The following RARB variants were observed in gnomAD, a reference collection of about 807,000 sequenced individuals.
The protein encoded by RARB is retinoic acid receptor beta, also known as HBV-activated protein.
In RARB, 17 loss-of-function variants were observed where a neutral mutation model predicts 51.9. The observed-to-expected ratio is 0.33, with a 90% CI of 0.22 to 0.49. RARB has a LOEUF of 0.49. Among genes scored for constraint, RARB ranks in the 20% least tolerant of loss-of-function variants. RARB has a pLI of 0.99. For synonymous variants in RARB, 215 were observed against 195.4 expected, an observed-to-expected ratio of 1.10 and a Z score of -0.84; for missense variants, 369 against 550.8, an observed-to-expected ratio of 0.67 and a Z score of 3.30.
chr3:25,472,813 C>T (rs184583126), intron 2 of RARB, among the ~76,000 whole-genome samples: 2 of 152,164 alleles, frequency 1.3e-5, no homozygotes, highest in Admixed American at 6.5e-5. Flanking sequence ...AGAGGTAGAC[C>T]TTTATCAGGG....
intron 2 of RARB, among the ~76,000 whole-genome samples, chr3:24,948,412 G>A (rs760168509): frequency 6.6e-6 from 1 of 152,224 alleles, no homozygotes; most frequent in Admixed American, 6.5e-5. Flanking sequence ...ACCACACAGA[G>A]TGTGGATAAA....
chr3:25,324,764 G>C (rs896908744), intron 5 of RARB: 24 of 152,266 alleles, frequency 1.6e-4, no homozygotes, highest in African/African-American at 5.8e-4. Context: ...CTCAGCAGTG[G>C]GAGAGCAATC....
At chr3:25,012,152 A>C (rs4298013) in intron 2 of RARB, among the ~76,000 whole-genome samples, 71,880 of 151,884 alleles carry the variant, frequency 0.47, 17,379 homozygotes, top group Admixed American at 0.57. Flanking sequence ...TCTGGATTAC[A>C]TTGACCCCAC....
intron 5 of RARB, among the ~76,000 whole-genome samples, chr3:25,405,665 TAAA>T (rs1418269839): frequency 1.3e-5 from 2 of 152,170 alleles, no homozygotes; most frequent in African/African-American, 4.8e-5. Flanking sequence ...TGAAATGAAA[TAAA>T]AAATTCTGTT....
At chr3:24,912,094 C>T (rs1163102284) in intron 2 of RARB, among the ~76,000 whole-genome samples, 1 of 152,152 alleles carries the variant, frequency 6.6e-6, no homozygotes. Context: ...TGCTTGAGTG[C>T]CTTTTCCATG....
At chr3:25,121,487 T>TG (rs1699782063) in intron 3 of RARB, among the ~76,000 whole-genome samples, 1 of 152,126 alleles carries the variant, frequency 6.6e-6, no homozygotes, top group Non-Finnish European at 1.5e-5. Context: ...ATAATGAATA[T>TG]GGTGCAAAAG....
chr3:24,837,554 G>A (rs1702360460), intron 1 of RARB, among the ~76,000 whole-genome samples: 1 of 152,188 alleles, frequency 6.6e-6, no homozygotes, highest in South Asian at 2.1e-4. Context: ...TATATTCAAT[G>A]TTACAGTTAA....
At position 25,421,565 on chromosome 3, in the gene RARB, C is replaced by A. The variant is rs137904002; in HGVS notation, c.179-39628C>A. Among the ~76,000 whole-genome samples, 41 of 151,988 alleles carry A rather than the reference C, an allele frequency of 2.7e-4. No homozygotes were observed. The East Asian group carries it at 7.8e-3, about 29-fold the overall frequency. On this transcript the variant is annotated intron_variant, in intron 5 of 11. Transcript: ENST00000383772. The stretch of plus-strand genomic sequence containing the variant: ...TAGCTGGGATTACAGGTGCGTGCCA[C>A]CATGCCCGGCTAATTTTTTTTGTAT...
intron 3 of RARB, among the ~76,000 whole-genome samples, chr3:25,062,057 A>G (rs1393240906): frequency 1.3e-5 from 2 of 151,826 alleles, no homozygotes; most frequent in Non-Finnish European, 3.0e-5. Context: ...AGAATATAGA[A>G]GTATAAAATA....
At chr3:25,135,546 A>T (rs1055750705) in intron 4 of RARB, among the ~76,000 whole-genome samples, 1 of 151,986 alleles carries the variant, frequency 6.6e-6, no homozygotes, top group African/African-American at 2.4e-5. Context: ...GTAATGTCAA[A>T]GTGTTGTTCT....
Position 25,099,465 on chromosome 3 carries a change from C to T in RARB, c.-327-32696C>T, listed in dbSNP as rs147571107. On this transcript the variant is annotated intron_variant, in intron 3 of 11. Transcript: ENST00000383772. ...AATGTCTTAGAAAAGAACAACTTAC[C>T]GGGGGAAAAAGTTCATCTGAAAAAT... is the stretch of plus-strand genomic sequence containing the variant. Among the ~76,000 whole-genome samples, 45 of 151,886 alleles carry T rather than the reference C, an allele frequency of 3.0e-4. 1 individual carries two copies. The East Asian group carries it at 6.4e-3, about 22-fold the overall frequency.
chr3:24,882,430 T>C (rs897816485), intron 2 of RARB, among the ~76,000 whole-genome samples: 3 of 152,232 alleles, frequency 2.0e-5, no homozygotes, highest in African/African-American at 7.2e-5. Flanking sequence ...ATTTGAAGTA[T>C]ATGGAAGGGT....
intron 4 of RARB, among the ~76,000 whole-genome samples, chr3:25,162,936 C>A (rs1174192912): frequency 1.3e-5 from 2 of 152,168 alleles, no homozygotes; most frequent in Non-Finnish European, 1.5e-5. Context: ...CTGTATACAG[C>A]CAGAATTGAA....
intron 5 of RARB, among the ~76,000 whole-genome samples, chr3:25,345,221 G>GT (rs1040211136): frequency 2.3e-4 from 35 of 152,222 alleles, no homozygotes; most frequent in African/African-American, 8.2e-4. Flanking sequence ...ACCTCTGGAG[G>GT]TTTTTTGGTT....
In RARB at chr3:25,278,453, A is replaced by C. The variant is rs73820405; in HGVS notation, c.178+103878A>C. 3.0e-3 allele frequency among the ~76,000 whole-genome samples: 450 copies of C among 152,292 alleles called. 1 individual carries two copies. The highest frequency in any genetic ancestry group is 0.01 in the African/African-American group (417 of 41,582). ...CAGGCCTTCCAAATCCTTATAGAAC[A>C]TGTGGTCTATAACAGTGGTTCTTCA... On this transcript the variant is annotated intron_variant, in intron 5 of 11. Coordinates refer to the RARB transcript ENST00000383772.
At chr3:25,095,443 A>G (rs1699276734) in intron 3 of RARB, among the ~76,000 whole-genome samples, 1 of 152,216 alleles carries the variant, frequency 6.6e-6, no homozygotes, top group South Asian at 2.1e-4. Flanking sequence ...GGTGAAGCCC[A>G]GCAATCTGTG....
At chr3:24,861,061 A>C (rs1169460355) in intron 2 of RARB, among the ~76,000 whole-genome samples, 1 of 152,196 alleles carries the variant, frequency 6.6e-6, no homozygotes, top group Non-Finnish European at 1.5e-5. Flanking sequence ...TTTGGCAAAT[A>C]TAGTTGACCA....
At chr3:25,290,969 A>G (rs1275440618) in intron 5 of RARB, among the ~76,000 whole-genome samples, 1 of 152,186 alleles carries the variant, frequency 6.6e-6, no homozygotes, top group Non-Finnish European at 1.5e-5. Context: ...GAAGTTTTCT[A>G]TGAGCTTGCT....
At position 25,055,931 on chromosome 3, in the gene RARB, G is replaced by T. The variant is rs150002796; in HGVS notation, c.-379-4194G>T. On this transcript the variant is annotated intron_variant, in intron 2 of 11. Coordinates refer to the RARB transcript ENST00000383772. The stretch of plus-strand genomic sequence containing the variant: ...AGGGATCTGGGGACATGTGGGCAGT[G>T]CTCTGACAGCATCTGCCACACCAGT... Among the ~76,000 whole-genome samples the T allele has an allele frequency of 4.6e-3, 700 of 152,176 alleles. 3 individuals are homozygous for T. The highest frequency in any genetic ancestry group is 0.016 in the African/African-American group (657 of 41,512).
Sources: gnomAD v4.1 joint callset for allele counts (sites outside exome capture counted in the v4.1 genomes callset) on GRCh38, gnomAD v4.1.1 for gene constraint, MANE v1.5 for transcripts, NCBI Gene and HGNC (gene_info 2026-07-23, HGNC 2026-07-21) for gene names.